TNXB: variants seen among roughly 807,000 people sequenced by gnomAD.
The protein encoded by TNXB is tenascin XB.
TNXB carries 183 observed loss-of-function variants against 340.5 expected under a neutral mutation model. That is an observed-to-expected ratio of 0.54 (90% confidence interval 0.48 to 0.61). The LOEUF (loss-of-function observed/expected upper bound fraction) is 0.61, where lower values mean the gene tolerates loss of function less well. Among genes scored for constraint, TNXB ranks in the 20% least tolerant of loss-of-function variants. The pLI is 0.00. For missense variants in TNXB, 4,613 were observed against 5,446.4 expected (o/e 0.85, Z 4.82); for synonymous variants, 2,121 against 2,314.5 (o/e 0.92, Z 2.40).
chr6:32,103,104 G>A (rs990113426), intron 1 of TNXB, among the ~76,000 whole-genome samples: 3 of 151,956 alleles, frequency 2.0e-5, no homozygotes, highest in African/African-American at 7.2e-5. Flanking sequence ...GCACACTTAA[G>A]ACTTTGGCAT....
chr6:32,061,668 C>A lies in TNXB; in HGVS notation c.7221G>T (p.Glu2407Asp). Residue 2407 changes from glutamate (E) to aspartate (D), a missense_variant, in exon 21 of 44, where the codon GAG becomes GAT. By Grantham distance (45) the Glu-to-Asp change is conservative (BLOSUM62 2). Transcript: ENST00000644971. The surrounding 1 kb of genome is among the most constrained non-coding windows in gnomAD (Gnocchi z 4.4). ...SPTEPSMEAP[E>D]PPEEPLLGEL... ...CCCCCAGGAGCGGCTCCTCAGGGGGCTCCGGGGCCTCCATGCTGGGTTCTG... is the reference window on the plus strand; with the variant it reads ...CCCCCAGGAGCGGCTCCTCAGGGGGATCCGGGGCCTCCATGCTGGGTTCTG... The A allele has an allele frequency of 1.9e-6, 3 of 1,612,650 alleles. No homozygotes were observed. The highest frequency in any genetic ancestry group is 2.5e-6 in the Non-Finnish European group (3 of 1,179,802).
At chr6:32,094,565 G>A (rs1235742965) in intron 4 of TNXB, among the ~76,000 whole-genome samples, 1 of 152,132 alleles carries the variant, frequency 6.6e-6, no homozygotes, top group East Asian at 1.9e-4. Flanking sequence ...AAAAAAGCAA[G>A]AATCACAGGA....
In TNXB at chr6:32,096,604, C is replaced by T; in HGVS notation, c.1249G>A (p.Gly417Ser). The T allele has an allele frequency of 1.9e-6, 3 of 1,575,104 alleles. No individual in the cohort carries two copies. The highest frequency in any genetic ancestry group is 2.6e-6 in the Non-Finnish European group (3 of 1,164,716). The change falls in exon 3 of 44, where the codon GGC (glycine) becomes AGC (serine). Residue 417 changes from glycine (G) to serine (S), a missense_variant. Coordinates refer to ENST00000644971, the MANE Select transcript of TNXB (RefSeq NM_001365276.2). ...DCNQRGRCED[G>S]RCVCWPGYTG... ...TACCCCGGCCAGCACACGCAGCGGC[C>T]GTCCTCGCAGCGGCCCCTTTGGTTG...
In TNXB at chr6:32,052,461, A is replaced by AC. The variant is rs1351018853; in HGVS notation, c.9115+208_9115+209insG. 6.6e-6 allele frequency among the ~76,000 whole-genome samples: 1 copy of AC among 151,964 alleles called. No individual in the cohort carries two copies. The highest frequency in any genetic ancestry group is 2.4e-5 in the African/African-American group (1 of 41,408). ...GCGAGACTCTATCTCAAAAAAAAAA[A>AC]AAAGAAAGAAAGAAAAAGAAAGAAA... On this transcript the variant is annotated intron_variant, in intron 26 of 43. Transcript: ENST00000644971. This position sits in a 1 kb window ranked among gnomAD's most constrained non-coding sequence, Gnocchi z 4.7.
At chr6:32,043,982 G>A (rs1237515849) in intron 34 of TNXB, 25 bp downstream of exon 34, 4 of 1,605,406 alleles carry the variant, frequency 2.5e-6, no homozygotes, top group East Asian at 2.2e-5. Context: ...AATGCGAGGC[G>A]ATGAGCACAT....
chr6:32,098,802 C>T (rs1026172480), intron 1 of TNXB, among the ~76,000 whole-genome samples: 1 of 152,090 alleles, frequency 6.6e-6, no homozygotes, highest in Non-Finnish European at 1.5e-5. Flanking sequence ...TTTGTTTTTC[C>T]CACGAGCACT....
Position 32,069,750 on chromosome 6 carries a change from G to A in TNXB, c.5390C>T (p.Thr1797Ile). 1 of 1,612,748 alleles carries A rather than the reference G, an allele frequency of 6.2e-7. No homozygotes were observed. The highest frequency in any genetic ancestry group is 8.5e-7 in the Non-Finnish European group (1 of 1,179,466). Residue 1797 changes from threonine to isoleucine, a missense_variant, in exon 15 of 44, where the codon ACA (threonine) becomes ATA (isoleucine). Thr to Ile is a moderately conservative substitution (Grantham distance 89, BLOSUM62 -1). Transcript: ENST00000644971. This position sits in a 1 kb window ranked among gnomAD's most constrained non-coding sequence, Gnocchi z 6.2. ...VTQNSVGLSW[T>I]VPEGQFDSFV... ...GGAGTCAAACTGGCCCTCAGGGACT[G>A]TCCAGGAGAGGCCCACGGAGTTCTG...
Position 32,088,845 on chromosome 6 carries a change from TCAC to T in TNXB, c.2716_2718del (p.Val906del). ...GCCCGGCCCCGCTCCGCTGTGACAG[TCAC>T]CACATATTCTACGCCTGGCATCAGG... On this transcript the variant is annotated inframe_deletion, in exon 6 of 44. Coordinates refer to ENST00000644971, the MANE Select transcript of TNXB (RefSeq NM_001365276.2). 1 of 1,583,734 alleles carries T rather than the reference TCAC, an allele frequency of 6.3e-7. No individual in the cohort carries two copies. The highest frequency in any genetic ancestry group is 8.6e-7 in the Non-Finnish European group (1 of 1,165,406).
Position 32,067,132 on chromosome 6 carries a change from GAAGAAAGAAAGAAAGAAAGA to G in TNXB, c.6544+509_6544+528del, listed in dbSNP as rs9281648. Among the ~76,000 whole-genome samples, 717 of 118,080 alleles carry G rather than the reference GAAGAAAGAAAGAAAGAAAGA, an allele frequency of 6.1e-3. 21 individuals carry two copies. In the South Asian group the frequency reaches 0.094, roughly 15 times the overall value. 77.5% of individuals were successfully genotyped at this position (118,080 alleles called of 152,430 possible). On this transcript the variant is annotated intron_variant, in intron 18 of 43. Transcript: ENST00000644971. The surrounding 1 kb of genome is among the most constrained non-coding windows in gnomAD (Gnocchi z 4.2). Reference sequence around the variant, plus strand: ...AAGAAAGAGAAAGAAAGAAAGGAAGGAAGAAAGAAAGAAAGAAAGAAAGAAAGAAAGAAAGAAAGAAAGAA... The same window carrying G: ...AAGAAAGAGAAAGAAAGAAAGGAAGGAAGAAAGAAAGAAAGAAAGAAAGAA...
In TNXB at chr6:32,046,413, G is replaced by A. The variant is rs116701346; in HGVS notation, c.10368C>T (p.Thr3456=). 1,136 of 1,579,948 alleles carry A rather than the reference G, an allele frequency of 7.2e-4. 8 individuals carry two copies. The African/African-American group carries it at 8.2e-3, about 11-fold the overall frequency. Residue 3456 remains threonine, a synonymous_variant, in exon 31 of 44, where the codon ACC becomes ACT. Transcript: ENST00000644971. This position sits in a 1 kb window ranked among gnomAD's most constrained non-coding sequence, Gnocchi z 6.9. The part of the protein sequence containing the change: ...KELPPHLGEL[T]VAEETSSSLR... ...GAGAGCTGGAGGTCTCCTCAGCCAC[G>A]GTCAGTTCCCCCAGGTGGGGAGGTA...
Position 32,061,643 on chromosome 6 carries a change from C to A in TNXB, c.7246G>T (p.Glu2416Ter). Residue 2416 changes from glutamate to a stop codon, truncating the protein, a stop_gained, in exon 21 of 44, where the codon GAG becomes TAG. Coordinates refer to ENST00000644971, the MANE Select transcript of TNXB (RefSeq NM_001365276.2). LOFTEE classifies it high-confidence loss of function. This position sits in a 1 kb window ranked among gnomAD's most constrained non-coding sequence, Gnocchi z 4.4. The part of the protein sequence containing the change: ...PEPPEEPLLG[E>*]LTVTGSSPDS... ...GGGGAGGATCCTGTCACTGTTAGCT[C>A]CCCCAGGAGCGGCTCCTCAGGGGGC... 6.8e-6 allele frequency: 11 copies of A among 1,612,646 alleles called. No individual in the cohort carries two copies. The highest frequency in any genetic ancestry group is 9.3e-6 in the Non-Finnish European group (11 of 1,179,806).
In TNXB at chr6:32,098,025, C is replaced by T; in HGVS notation, c.174G>A (p.Gln58=). ...VGAGVGSPSS[Q]LYEHTVEGGE... ...CTCCTTCCACTGTGTGCTCGTAAAG[C>T]TGAGAAGAGGGGCTTCCCACTCCAG... is the stretch of plus-strand genomic sequence containing the variant. The change falls in exon 2 of 44, where the codon CAG becomes CAA. Residue 58 remains glutamine, a synonymous_variant. Transcript: ENST00000644971. 1 of 1,607,342 alleles carries T rather than the reference C, an allele frequency of 6.2e-7. No homozygotes were observed. The highest frequency in any genetic ancestry group is 2.2e-5 in the East Asian group (1 of 44,878).
chr6:32,047,346 C>T lies in TNXB; in HGVS notation c.10324+388G>A, dbSNP rs1562784320. On this transcript the variant is annotated intron_variant, in intron 30 of 43. Transcript: ENST00000644971. This position sits in a 1 kb window ranked among gnomAD's most constrained non-coding sequence, Gnocchi z 6.2. ...AAGCCCTCCCTTTTCTTCCACCCCT[C>T]GGCTCCGAGTCAGGGAGGAGGGAGG... is the stretch of plus-strand genomic sequence containing the variant. 1.3e-5 allele frequency among the ~76,000 whole-genome samples: 2 copies of T among 152,188 alleles called. No homozygotes were observed. The highest frequency in any genetic ancestry group is 2.9e-5 in the Non-Finnish European group (2 of 68,038).
Position 32,074,284 on chromosome 6 carries a change from A to G in TNXB, c.4376-332T>C, listed in dbSNP as rs1291571561. 6.6e-6 allele frequency among the ~76,000 whole-genome samples: 1 copy of G among 152,092 alleles called. No homozygotes were observed. Among genetic ancestry groups the G allele is most frequent in the Non-Finnish European group, 1.5e-5 (1 of 68,020 alleles). ...AGGTGATCCACCTGCCTCAGCCCCC[A>G]AAGTGCTGGGATTACAGGTGTGAGC... is the stretch of plus-strand genomic sequence containing the variant. On this transcript the variant is annotated intron_variant, in intron 11 of 43. Transcript: ENST00000644971. This position sits in a 1 kb window ranked among gnomAD's most constrained non-coding sequence, Gnocchi z 5.5.
In TNXB at chr6:32,095,618, G is replaced by A. The variant is rs773789299; in HGVS notation, c.2235C>T (p.Cys745=). 2 of 1,611,400 alleles carry A rather than the reference G, an allele frequency of 1.2e-6. No homozygotes were observed. Among genetic ancestry groups the A allele is most frequent in the Admixed American group, 1.7e-5 (1 of 59,966 alleles). ...GGAAGGCTGCCTGCTCACCTTCTCC[G>A]CAGTCTTCGCCAGCATACCCATCTT... ...VCKDGYAGED[C]GEEVPTIEGM... The change falls in exon 3 of 44, where the codon TGC becomes TGT. Residue 745 remains cysteine, a synonymous_variant. Transcript: ENST00000644971.
rs766897850 is a variant in TNXB, at chr6:32,053,561, T to C, written c.8618A>G (p.His2873Arg). ...SWMVPEGQFDHFLVQYRNGDG... is the reference protein window; with the variant it reads ...SWMVPEGQFDRFLVQYRNGDG... ...CCCATTCCTGTACTGGACCAGGAAG[T>C]GGTCAAACTGGCCCTCGGGGACCAT... The change falls in exon 25 of 44, where the codon CAC becomes CGC. Residue 2873 changes from histidine (H) to arginine (R), a missense_variant. By Grantham distance (29) the His-to-Arg change is conservative. Around this residue, in one of 7 missense-constraint regions of TNXB, gnomAD observed 4,327 missense variants for 4,859.4 expected, o/e 0.89. Coordinates refer to ENST00000644971, the MANE Select transcript of TNXB (RefSeq NM_001365276.2). 6.2e-6 allele frequency: 10 copies of C among 1,613,482 alleles called. No individual in the cohort carries two copies. The highest frequency in any genetic ancestry group is 7.6e-6 in the Non-Finnish European group (9 of 1,179,860).
At position 32,048,574 on chromosome 6, in the gene TNXB, C is replaced by T. The variant is rs776760465; in HGVS notation, c.9834G>A (p.Val3278=). 6 of 1,554,480 alleles carry T rather than the reference C, an allele frequency of 3.9e-6. No homozygotes were observed. The highest frequency in any genetic ancestry group is 4.4e-6 in the Non-Finnish European group (5 of 1,146,806). The stretch of plus-strand genomic sequence containing the variant: ...CCTGGGCCACCGTCCATGAGAGGCC[C>T]ACTGAGTCCGAGGTCACGGCCGCCA... ...LAVAAVTSDS[V]GLSWTVAQGP... The change falls in exon 29 of 44, where the codon GTG becomes GTA. Residue 3278 remains valine, a synonymous_variant. Transcript: ENST00000644971.
In TNXB at chr6:32,069,650, G is replaced by A. The variant is rs761681416; in HGVS notation, c.5490C>T (p.Ser1830=). The A allele has an allele frequency of 4.3e-6, 7 of 1,612,738 alleles. No homozygotes were observed. Among genetic ancestry groups the A allele is most frequent in the South Asian group, 1.1e-5 (1 of 90,984 alleles). The change falls in exon 15 of 44, where the codon AGC becomes AGT. Residue 1830 remains serine (S), a synonymous_variant. Coordinates refer to ENST00000644971, the MANE Select transcript of TNXB (RefSeq NM_001365276.2). This position sits in a 1 kb window ranked among gnomAD's most constrained non-coding sequence, Gnocchi z 6.2. ...TGTGGGCAGGGTCCAGGCCCGGCAC[G>A]CTGACCTCCCTGAGGCTGCCCTCCA... The part of the protein sequence containing the change: ...VPVEGSLREV[S]VPGLDPAHRY...
Position 32,096,257 on chromosome 6 carries a change from G to A in TNXB, c.1596C>T (p.Cys532=), listed in dbSNP as rs1423937115. ...CATCCTCGCAAAGGCCGTGCCCACGGCAGTCCCCGGGACAGCGACGGCTCC... is the reference window on the plus strand; with the variant it reads ...CATCCTCGCAAAGGCCGTGCCCACGACAGTCCCCGGGACAGCGACGGCTCC... ...DCGSRRCPGD[C]RGHGLCEDGV... The change falls in exon 3 of 44, where the codon TGC becomes TGT. Residue 532 remains cysteine, a synonymous_variant. Transcript: ENST00000644971. 1.9e-6 allele frequency: 3 copies of A among 1,565,062 alleles called. No homozygotes were observed. The highest frequency in any genetic ancestry group is 1.7e-6 in the Non-Finnish European group (2 of 1,159,264).
Sources: allele counts gnomAD v4.1 joint callset (sites outside exome capture counted in the v4.1 genomes callset), GRCh38; gene constraint gnomAD v4.1.1; regional missense constraint gnomAD v4.1.1; non-coding constraint Gnocchi (gnomAD v3.1); transcripts MANE v1.5; gene names NCBI Gene and HGNC (gene_info 2026-07-23, HGNC 2026-07-21).